The following DNPEP variants were observed in gnomAD, a reference collection of about 807,000 sequenced individuals.
DNPEP encodes the protein aspartyl aminopeptidase.
Under a neutral mutation model 59.1 loss-of-function variants are expected in DNPEP, and 46 were observed. The ratio of observed to expected loss-of-function variants is 0.78; its 90% CI spans 0.61 to 0.99. The LOEUF (loss-of-function observed/expected upper bound fraction) is 0.99. Among genes scored for constraint, DNPEP ranks in the 50% least tolerant of loss-of-function variants. The probability of loss-of-function intolerance (pLI) is 0.00; values close to 1 mark genes in which losing one functional copy is unlikely to be tolerated. For missense variants in DNPEP, 617 were observed against 649.9 expected (o/e 0.95, Z 0.55); for synonymous variants, 229 against 242.2 (o/e 0.95, Z 0.50).
At chr2:219,384,306 C>G in intron 9 of DNPEP, 60 bp downstream of exon 9, 1 of 1,526,930 alleles carries the variant, frequency 6.5e-7, no homozygotes, top group Non-Finnish European at 8.9e-7. Context: ...GCTCCCCCGA[C>G]CCCAAACATA....
chr2:219,398,005 G>T (rs1460219827), intron 1 of DNPEP, among the ~76,000 whole-genome samples: 1 of 152,178 alleles, frequency 6.6e-6, no homozygotes, highest in Non-Finnish European at 1.5e-5. Flanking sequence ...AAAGTGTTAG[G>T]ATTACAGTTG....
Position 219,382,014 on chromosome 2 carries a change from G to A in DNPEP, c.1062C>T (p.Ser354=), listed in dbSNP as rs116805453. The change falls in exon 11 of 15, where the codon AGC becomes AGT. Residue 354 remains serine (S), a synonymous_variant. Transcript: ENST00000273075. ...EEAIPKSFMI[S]ADMAHAVHPN... The stretch of plus-strand genomic sequence containing the variant: ...GATGCACAGCATGGGCCATGTCTGC[G>A]CTGATCATGAAGGACTTGGGTATGG... 1.3e-3 allele frequency: 2,058 copies of A among 1,614,228 alleles called. 34 individuals carry two copies. The African/African-American group carries it at 0.025, about 19-fold the overall frequency.
Position 219,387,748 on chromosome 2 carries a change from G to A in DNPEP, c.36+11C>T, listed in dbSNP as rs778195991. The stretch of plus-strand genomic sequence containing the variant: ...ATCGAAATTCAAGTGGGGCCGTCGG[G>A]AGCCACTTACCTGCATGGCCCCGCG... On this transcript the variant is annotated intron_variant, in intron 1 of 14. Transcript: ENST00000273075. 4 of 1,608,218 alleles carry A rather than the reference G, an allele frequency of 2.5e-6. No homozygotes were observed. The highest frequency in any genetic ancestry group is 1.7e-5 in the Admixed American group (1 of 59,744).
chr2:219,378,312 G>T (rs1953453036), intron 13 of DNPEP, among the ~76,000 whole-genome samples: 1 of 152,108 alleles, frequency 6.6e-6, no homozygotes, highest in Non-Finnish European at 1.5e-5. Flanking sequence ...CTACCATCCT[G>T]CCTTTCTCTC....
At chr2:219,397,355 G>A (rs1954116350) in intron 1 of DNPEP, among the ~76,000 whole-genome samples, 1 of 151,518 alleles carries the variant, frequency 6.6e-6, no homozygotes, top group Admixed American at 6.6e-5. Context: ...GAGCTAATTG[G>A]TTTTTTGTTT....
At position 219,380,324 on chromosome 2, in the gene DNPEP, T is replaced by C. The variant is rs556269381; in HGVS notation, c.1239+1011A>G. ...TCCACCTCCCGGGCTCAAGAGATCCTTCCCAAGTAGGGAAGGCCTCCCAAG... is the reference window on the plus strand; with the variant it reads ...TCCACCTCCCGGGCTCAAGAGATCCCTCCCAAGTAGGGAAGGCCTCCCAAG... On this transcript the variant is annotated intron_variant, in intron 13 of 14. Coordinates refer to ENST00000273075, the MANE Select transcript of DNPEP (RefSeq NM_012100.4). Among the ~76,000 whole-genome samples, 4 of 151,218 alleles carry C rather than the reference T, an allele frequency of 2.6e-5. No individual in the cohort carries two copies. In the South Asian group the frequency reaches 8.5e-4, roughly 32 times the overall value.
intron 10 of DNPEP, 149 bp downstream of exon 10, chr2:219,382,982 A>G (rs1220821285): frequency 3.2e-6 from 2 of 626,842 alleles, no homozygotes; most frequent in African/African-American, 3.7e-5. Flanking sequence ...GTTGAGTCAG[A>G]GGAGACACCA....
intron 9 of DNPEP, among the ~76,000 whole-genome samples, chr2:219,383,980 C>G (rs73085213): frequency 6.6e-6 from 1 of 152,280 alleles, no homozygotes; most frequent in African/African-American, 2.4e-5. Context: ...AGGCTGGGGT[C>G]TTAAGCCTGG....
chr2:219,390,916 C>A (rs1283923219), upstream of DNPEP, among the ~76,000 whole-genome samples: 2 of 152,116 alleles, frequency 1.3e-5, no homozygotes, highest in Non-Finnish European at 2.9e-5. Context: ...TGGGTAATAT[C>A]AAGTGTTGGA....
At chr2:219,397,317 A>T (rs1954115435) in intron 1 of DNPEP, among the ~76,000 whole-genome samples, 1 of 151,586 alleles carries the variant, frequency 6.6e-6, no homozygotes, top group African/African-American at 2.4e-5. Flanking sequence ...AAACACTACA[A>T]ATCAGGGCAT....
At chr2:219,385,754 G>A (rs1449192662) in intron 6 of DNPEP, 48 bp from the exon 7 acceptor site, 2 of 1,520,974 alleles carry the variant, frequency 1.3e-6, no homozygotes, top group Admixed American at 1.9e-5. Context: ...GGGCACAGCT[G>A]AGTGCGGCAT....
upstream of DNPEP, among the ~76,000 whole-genome samples, chr2:219,391,268 C>T (rs1025852638): frequency 2.6e-5 from 4 of 152,180 alleles, no homozygotes; most frequent in East Asian, 1.9e-4. Flanking sequence ...CCTCTTTCGT[C>T]GGCTTTTCAG....
chr2:219,387,733 A>G, intron 1 of DNPEP, 26 bp downstream of exon 1: 1 of 1,607,650 alleles, frequency 6.2e-7, no homozygotes. Flanking sequence ...ATCGAAATTC[A>G]AGTGGGGCCG....
rs556789385 is a variant in DNPEP at position 219,377,884 on chromosome 2, C to T, written c.1240-2862G>A. ...GGTGCAGTGAGCTATGATCATGCCA[C>T]TGCACTCCAGCCTGGGAGACAAAGC... On this transcript the variant is annotated intron_variant, in intron 13 of 14. Coordinates refer to ENST00000273075, the MANE Select transcript of DNPEP (RefSeq NM_012100.4). Among the ~76,000 whole-genome samples the T allele has an allele frequency of 7.4e-4, 112 of 151,574 alleles. 1 individual carries two copies. The highest frequency in any genetic ancestry group is 2.6e-3 in the African/African-American group (109 of 41,298).
In DNPEP at chr2:219,374,869, G is replaced by A; in HGVS notation, c.1393C>T (p.Leu465Phe). Residue 465 changes from leucine to phenylalanine, a missense_variant, in exon 14 of 15, where the codon CTC becomes TTC. Transcript: ENST00000273075. The part of the protein sequence containing the change: ...MACTTGVLQT[L>F]TLFKGFFELF... ...GTGGGTGTTACCTTGAAGAGGGTGA[G>A]GGTCTGGAGGACTCCTGTGGTGCAG... 1 of 1,613,866 alleles carries A rather than the reference G, an allele frequency of 6.2e-7. No individual in the cohort carries two copies. Among genetic ancestry groups the A allele is most frequent in the African/African-American group, 1.3e-5 (1 of 75,044 alleles).
At chr2:219,392,478 G>T (rs1019419952), upstream of DNPEP, among the ~76,000 whole-genome samples, 1 of 151,784 alleles carries the variant, frequency 6.6e-6, no homozygotes, top group Non-Finnish European at 1.5e-5. Context: ...CTCCCATGTA[G>T]CTGGGATTAT....
intron 13 of DNPEP, among the ~76,000 whole-genome samples, chr2:219,377,816 G>A (rs1215481652): frequency 6.6e-6 from 1 of 152,078 alleles, no homozygotes; most frequent in Non-Finnish European, 1.5e-5. Flanking sequence ...CCAGCTACTT[G>A]GGAGACTGAG....
intron 4 of DNPEP, 122 bp downstream of exon 4, chr2:219,386,543 A>C: frequency 6.8e-7 from 1 of 1,473,286 alleles, no homozygotes; most frequent in Non-Finnish European, 9.3e-7. Flanking sequence ...GGAAGGGGCC[A>C]ACAAGTTTAC....
intron 13 of DNPEP, among the ~76,000 whole-genome samples, chr2:219,377,749 AC>A (rs1377434358): frequency 6.6e-6 from 1 of 151,894 alleles, no homozygotes; most frequent in Non-Finnish European, 1.5e-5. Context: ...CATAGCAAGA[AC>A]CCCATTTTTA....
Sources: gnomAD v4.1 joint callset for allele counts (sites outside exome capture counted in the v4.1 genomes callset) on GRCh38, gnomAD v4.1.1 for gene constraint, MANE v1.5 for transcripts, NCBI Gene and HGNC (gene_info 2026-07-23, HGNC 2026-07-21) for gene names.